FNTB: variants seen among roughly 807,000 people sequenced by gnomAD.
The protein encoded by FNTB is protein farnesyltransferase subunit beta.
Under a neutral mutation model 59.4 loss-of-function variants are expected in FNTB, and 27 were observed. The observed-to-expected ratio is 0.45, with a 90% CI of 0.34 to 0.63. The LOEUF is 0.63. Among genes scored for constraint, FNTB ranks in the 20% least tolerant of loss-of-function variants. The pLI is 0.02. For synonymous variants in FNTB, 230 were observed against 220.7 expected, an observed-to-expected ratio of 1.04 and a Z score of -0.37; for missense variants, 449 against 559.6, an observed-to-expected ratio of 0.80 and a Z score of 1.99.
In FNTB at chr14:64,990,093, AG is replaced by A. The variant is rs1566859057; in HGVS notation, c.144+2998del. Among the ~76,000 whole-genome samples, 2 of 152,226 alleles carry A rather than the reference AG, an allele frequency of 1.3e-5. No homozygotes were observed. Among genetic ancestry groups the A allele is most frequent in the South Asian group, 4.1e-4 (2 of 4,826 alleles). On this transcript the variant is annotated intron_variant, in intron 1 of 11. Transcript: ENST00000246166. The surrounding 1 kb of genome is among the most constrained non-coding windows in gnomAD (Gnocchi z 5.2). ...AGAAAGCAGCAAGCACAAAGGACCA[AG>A]GCAGCAGAATGCCAGGTGAGCAGGG...
chr14:65,055,591 A>C (rs993915438), intron 11 of FNTB, among the ~76,000 whole-genome samples: 7 of 151,860 alleles, frequency 4.6e-5, no homozygotes, highest in African/African-American at 1.7e-4. Context: ...ATATTGGCTC[A>C]CTGCAACCTC....
At chr14:65,052,431 T>C (rs759017376) in intron 9 of FNTB, among the ~76,000 whole-genome samples, 2 of 152,194 alleles carry the variant, frequency 1.3e-5, no homozygotes, top group African/African-American at 2.4e-5. Context: ...TATCAAAATA[T>C]AAAATTGACC....
intron 9 of FNTB, among the ~76,000 whole-genome samples, chr14:65,050,705 T>C (rs758419203): frequency 3.9e-5 from 6 of 152,256 alleles, no homozygotes; most frequent in South Asian, 2.1e-4. Flanking sequence ...ATATTTATTT[T>C]TGACAGCTCC....
At position 64,990,298 on chromosome 14, in the gene FNTB, G is replaced by A. The variant is rs1049616048; in HGVS notation, c.144+3201G>A. ...TGCTCTGTAGATGTGCCCCAGGAGG[G>A]GGCCCTGCACTGACAGGTTGCCTTG... On this transcript the variant is annotated intron_variant, in intron 1 of 11. Coordinates refer to ENST00000246166, the MANE Select transcript of FNTB (RefSeq NM_002028.4). This position sits in a 1 kb window ranked among gnomAD's most constrained non-coding sequence, Gnocchi z 5.2. 6.6e-6 allele frequency among the ~76,000 whole-genome samples: 1 copy of A among 152,188 alleles called. No homozygotes were observed. Among genetic ancestry groups the A allele is most frequent in the Non-Finnish European group, 1.5e-5 (1 of 68,026 alleles).
At chr14:65,058,129 G>A (rs1021873285) in intron 11 of FNTB, among the ~76,000 whole-genome samples, 1 of 149,414 alleles carries the variant, frequency 6.7e-6, no homozygotes, top group Admixed American at 6.7e-5. Flanking sequence ...TTTTCTTCCT[G>A]TCTTCCCAGG....
In FNTB at chr14:64,994,177, T is replaced by C. The variant is rs920824482; in HGVS notation, c.144+7080T>C. ...GCCTAGTGATTGGATTTCTATTGAT[T>C]AAATGAAAAACTCCATGAAATACCT... On this transcript the variant is annotated intron_variant, in intron 1 of 11. Transcript: ENST00000246166. The surrounding 1 kb of genome is among the most constrained non-coding windows in gnomAD (Gnocchi z 4.2). 3.9e-4 allele frequency among the ~76,000 whole-genome samples: 60 copies of C among 152,162 alleles called. No homozygotes were observed. Among genetic ancestry groups the C allele is most frequent in the African/African-American group, 1.4e-3 (57 of 41,438 alleles).
Position 65,031,506 on chromosome 14 carries a change from C to T in FNTB, c.606-1104C>T, listed in dbSNP as rs938872789. On this transcript the variant is annotated intron_variant, in intron 6 of 11. Coordinates refer to ENST00000246166, the MANE Select transcript of FNTB (RefSeq NM_002028.4). This position sits in a 1 kb window ranked among gnomAD's most constrained non-coding sequence, Gnocchi z 4.6. Reference sequence around the variant, plus strand: ...CTAATTTTTGTGTTTTTAGTGGAGACGGGGTTTCGCAATATTGGTCAGGTT... The same window carrying T: ...CTAATTTTTGTGTTTTTAGTGGAGATGGGGTTTCGCAATATTGGTCAGGTT... 4.0e-5 allele frequency among the ~76,000 whole-genome samples: 6 copies of T among 151,806 alleles called. No individual in the cohort carries two copies. The highest frequency in any genetic ancestry group is 9.7e-5 in the African/African-American group (4 of 41,430).
intron 7 of FNTB, among the ~76,000 whole-genome samples, chr14:65,035,257 A>T (rs1376439334): frequency 2.0e-5 from 3 of 152,188 alleles, no homozygotes; most frequent in Admixed American, 6.5e-5. Flanking sequence ...AGGGCAAACC[A>T]GAGAGAAAAA....
intron 1 of FNTB, among the ~76,000 whole-genome samples, chr14:65,000,767 C>G (rs1210840910): frequency 7.3e-6 from 1 of 136,558 alleles, no homozygotes; most frequent in Non-Finnish European, 1.5e-5. Flanking sequence ...TTGCAGTGAG[C>G]TGAGATCGCA....
At chr14:65,053,453 C>T in intron 10 of FNTB, 104 bp downstream of exon 10, 2 of 956,098 alleles carry the variant, frequency 2.1e-6, no homozygotes, top group South Asian at 4.8e-5. Flanking sequence ...AGAGGTGTCA[C>T]CTTCAGCACC....
chr14:65,035,539 T>C (rs1341203775), intron 7 of FNTB, among the ~76,000 whole-genome samples: 2 of 152,122 alleles, frequency 1.3e-5, no homozygotes, highest in Non-Finnish European at 2.9e-5. Context: ...ATTCTCTCTT[T>C]CTTTTTTTGA....
chr14:65,004,167 A>G, intron 1 of FNTB, 82 bp from the exon 2 acceptor site: 4 of 1,496,828 alleles, frequency 2.7e-6, no homozygotes, highest in Non-Finnish European at 3.7e-6. Context: ...GCCAATAGGC[A>G]TTTGTGGCAA....
Position 65,002,691 on chromosome 14 carries a change from G to A in FNTB, c.145-1558G>A, listed in dbSNP as rs540003902. Reference sequence around the variant, plus strand: ...TTTAGTCATAGGGTCACCTGATGAGGAGATGGGAAGAATCCTCAAATCCCT... The same window carrying A: ...TTTAGTCATAGGGTCACCTGATGAGAAGATGGGAAGAATCCTCAAATCCCT... On this transcript the variant is annotated intron_variant, in intron 1 of 11. Coordinates refer to ENST00000246166, the MANE Select transcript of FNTB (RefSeq NM_002028.4). 2.0e-5 allele frequency among the ~76,000 whole-genome samples: 3 copies of A among 152,308 alleles called. No homozygotes were observed. In the South Asian group the frequency reaches 6.2e-4, roughly 32 times the overall value.
Position 65,027,655 on chromosome 14 carries a change from C to A in FNTB, c.522-43C>A. On this transcript the variant is annotated intron_variant, in intron 5 of 11. Transcript: ENST00000246166. The surrounding 1 kb of genome is among the most constrained non-coding windows in gnomAD (Gnocchi z 5.7). ...TAGAGGAGTTCCCCGCCTGCTGACA[C>A]GCACTGACTGTTGCCTCTCCTACCT... The A allele has an allele frequency of 6.2e-7, 1 of 1,614,134 alleles. No homozygotes were observed. Among genetic ancestry groups the A allele is most frequent in the Non-Finnish European group, 8.5e-7 (1 of 1,179,974 alleles).
chr14:64,999,539 C>G (rs1056088778), intron 1 of FNTB, among the ~76,000 whole-genome samples: 1 of 152,030 alleles, frequency 6.6e-6, no homozygotes, highest in African/African-American at 2.4e-5. Context: ...GTGAAATGTT[C>G]TAAAATTGAT....
Position 65,011,810 on chromosome 14 carries a change from G to C in FNTB, c.210-507G>C, listed in dbSNP as rs1365778249. 6.6e-6 allele frequency among the ~76,000 whole-genome samples: 1 copy of C among 152,210 alleles called. No homozygotes were observed. Among genetic ancestry groups the C allele is most frequent in the African/African-American group, 2.4e-5 (1 of 41,444 alleles). On this transcript the variant is annotated intron_variant, in intron 2 of 11. Coordinates refer to ENST00000246166, the MANE Select transcript of FNTB (RefSeq NM_002028.4). This position sits in a 1 kb window ranked among gnomAD's most constrained non-coding sequence, Gnocchi z 4.0. ...TCACACGTGGGAGGTGGAATTTCAGGGAGAGAATAATAGTTGGATAACCGA... is the reference window on the plus strand; with the variant it reads ...TCACACGTGGGAGGTGGAATTTCAGCGAGAGAATAATAGTTGGATAACCGA...
intron 9 of FNTB, among the ~76,000 whole-genome samples, chr14:65,046,050 C>G (rs555707014): frequency 6.6e-6 from 1 of 152,118 alleles, no homozygotes; most frequent in Non-Finnish European, 1.5e-5. Context: ...TGCAATGGAT[C>G]ACTGCAACCT....
chr14:65,002,596 C>G (rs939146529), intron 1 of FNTB, among the ~76,000 whole-genome samples: 1 of 151,756 alleles, frequency 6.6e-6, no homozygotes, highest in Non-Finnish European at 1.5e-5. Context: ...ATGACAGAGA[C>G]TCCGTCTCAA....
intron 1 of FNTB, among the ~76,000 whole-genome samples, chr14:64,989,488 A>G (rs551522073): frequency 5.3e-5 from 8 of 152,080 alleles, no homozygotes; most frequent in African/African-American, 1.7e-4. Flanking sequence ...CCTGGGCAAC[A>G]TAGCAAGACC....
Sources: allele counts gnomAD v4.1 joint callset (sites outside exome capture counted in the v4.1 genomes callset), GRCh38; gene constraint gnomAD v4.1.1; non-coding constraint Gnocchi (gnomAD v3.1); transcripts MANE v1.5; gene names NCBI Gene and HGNC (gene_info 2026-07-23, HGNC 2026-07-21).